Variants in AUTS2 observed in about 807,000 individuals in gnomAD.
AUTS2 encodes activator of transcription and developmental regulator AUTS2.
AUTS2 carries 17 observed loss-of-function variants against 112.4 expected under a neutral mutation model. That is an observed-to-expected ratio of 0.15 (90% CI 0.10 to 0.23). AUTS2 has a LOEUF of 0.23. AUTS2 is among the 10% of genes least tolerant of loss of function. AUTS2 has a pLI of 1.00. For missense variants in AUTS2, 1,510 were observed against 1,701.6 expected, an observed-to-expected ratio of 0.89 and a Z score of 1.98; for synonymous variants, 751 against 702.7, an observed-to-expected ratio of 1.07 and a Z score of -1.09.
chr7:70,660,413 C>T (rs746658508), intron 5 of AUTS2, among the ~76,000 whole-genome samples: 4 of 152,174 alleles, frequency 2.6e-5, no homozygotes, highest in African/African-American at 4.8e-5. Flanking sequence ...GCACCTAGCT[C>T]CGTGCACAGC....
intron 1 of AUTS2, among the ~76,000 whole-genome samples, chr7:69,799,087 T>C (rs1332580447): frequency 6.6e-6 from 1 of 151,946 alleles, no homozygotes; most frequent in African/African-American, 2.4e-5. Flanking sequence ...TTTTTTTTCC[T>C]CAATCACAGT....
At chr7:70,406,537 G>A (rs543212632) in intron 4 of AUTS2, among the ~76,000 whole-genome samples, 17 of 152,326 alleles carry the variant, frequency 1.1e-4, no homozygotes, top group South Asian at 8.3e-4. Context: ...GAGAAGAACA[G>A]TGTACTTGAT....
At chr7:70,415,366 C>T (rs1794946788) in intron 4 of AUTS2, among the ~76,000 whole-genome samples, 1 of 152,144 alleles carries the variant, frequency 6.6e-6, no homozygotes, top group African/African-American at 2.4e-5. Context: ...ACAGCACAGT[C>T]TGAAGCATGA....
intron 6 of AUTS2, among the ~76,000 whole-genome samples, chr7:70,702,581 A>T (rs1278227037): frequency 6.6e-6 from 1 of 152,180 alleles, no homozygotes; most frequent in African/African-American, 2.4e-5. Flanking sequence ...CTAAATGGGC[A>T]TTTCTGAATG....
chr7:70,131,981 T>G (rs560636318), intron 3 of AUTS2, among the ~76,000 whole-genome samples: 1 of 151,790 alleles, frequency 6.6e-6, no homozygotes. Context: ...CCTGTTAAAA[T>G]TCTCCAGCTA....
At chr7:69,636,423 TGG>T (rs1264929710) in intron 1 of AUTS2, among the ~76,000 whole-genome samples, 1 of 127,586 alleles carries the variant, frequency 7.8e-6, no homozygotes, top group African/African-American at 3.1e-5. Flanking sequence ...TTTGTAGAGA[TGG>T]GGTTTCAACA....
At chr7:70,603,187 A>C (rs38310) in intron 5 of AUTS2, among the ~76,000 whole-genome samples, 81,017 of 152,008 alleles carry the variant, frequency 0.53, 22,334 homozygotes, top group African/African-American at 0.61. Flanking sequence ...GGTGAGCAAA[A>C]TTGGCATTTT....
chr7:70,027,536 C>G (rs1584601213), intron 2 of AUTS2, among the ~76,000 whole-genome samples: 1 of 152,098 alleles, frequency 6.6e-6, no homozygotes, highest in Non-Finnish European at 1.5e-5. Flanking sequence ...GCTGGAAATG[C>G]CTGAACTAAA....
chr7:69,903,371 C>T (rs1412739490), intron 2 of AUTS2, among the ~76,000 whole-genome samples: 1 of 152,140 alleles, frequency 6.6e-6, no homozygotes, highest in Non-Finnish European at 1.5e-5. Context: ...ATGGAGAATT[C>T]TTAAAAAATT....
chr7:70,071,515 T>C (rs1802766251), intron 2 of AUTS2, among the ~76,000 whole-genome samples: 1 of 152,224 alleles, frequency 6.6e-6, no homozygotes, highest in Non-Finnish European at 1.5e-5. Context: ...GAGAAAGTGC[T>C]TATCATCGAC....
Position 70,528,111 on chromosome 7 carries a change from T to TTA in AUTS2, c.690+92331_690+92332insAT, listed in dbSNP as rs1563018221. ...TTTAAGGATTTTTTTTTTTTTTTTT[T>TTA]TTTTTTTTACTGGAGTGTTACACAG... On this transcript the variant is annotated intron_variant, in intron 5 of 18. Transcript: ENST00000342771. 5.5e-3 allele frequency among the ~76,000 whole-genome samples: 828 copies of TTA among 149,516 alleles called. 12 individuals carry two copies. The highest frequency in any genetic ancestry group is 0.019 in the African/African-American group (788 of 40,628).
chr7:70,039,252 G>A (rs2129557550), intron 2 of AUTS2, among the ~76,000 whole-genome samples: 1 of 152,098 alleles, frequency 6.6e-6, no homozygotes, highest in East Asian at 1.9e-4. Flanking sequence ...TAATTACAAA[G>A]GGGATCCATA....
At chr7:70,732,839 T>G (rs1787509953) in intron 6 of AUTS2, among the ~76,000 whole-genome samples, 1 of 152,232 alleles carries the variant, frequency 6.6e-6, no homozygotes, top group Non-Finnish European at 1.5e-5. Flanking sequence ...TTGCAGTTTT[T>G]TAAAGCATTT....
intron 5 of AUTS2, among the ~76,000 whole-genome samples, chr7:70,514,007 A>G (rs1799312414): frequency 6.6e-6 from 1 of 152,098 alleles, no homozygotes; most frequent in African/African-American, 2.4e-5. Flanking sequence ...CACTGTATAG[A>G]TTTGTTTTAC....
At chr7:70,146,102 G>A (rs1426052418) in intron 4 of AUTS2, among the ~76,000 whole-genome samples, 1 of 152,022 alleles carries the variant, frequency 6.6e-6, no homozygotes, top group East Asian at 1.9e-4. Flanking sequence ...TTAGATTTTT[G>A]TGACTAACAG....
At chr7:69,674,960 T>A (rs1245652690) in intron 1 of AUTS2, among the ~76,000 whole-genome samples, 2 of 152,192 alleles carry the variant, frequency 1.3e-5, no homozygotes, top group Non-Finnish European at 2.9e-5. Context: ...TTTTCTTTAG[T>A]TGGTTGCATT....
chr7:70,451,389 C>G (rs1159912006), intron 5 of AUTS2, among the ~76,000 whole-genome samples: 1 of 152,038 alleles, frequency 6.6e-6, no homozygotes, highest in African/African-American at 2.4e-5. Flanking sequence ...ATTTTTTAAA[C>G]TACAAAATAA....
intron 18 of AUTS2, among the ~76,000 whole-genome samples, chr7:70,788,136 T>C (rs1791636617): frequency 6.6e-6 from 1 of 152,190 alleles, no homozygotes; most frequent in Non-Finnish European, 1.5e-5. Context: ...AAATGTCTTT[T>C]TTTTTTTCTT....
intron 4 of AUTS2, among the ~76,000 whole-genome samples, chr7:70,219,194 A>C (rs2129591258): frequency 6.6e-6 from 1 of 152,376 alleles, no homozygotes; most frequent in African/African-American, 2.4e-5. Flanking sequence ...AATAAAATCC[A>C]ATGGAAAACA....
Sources: allele counts gnomAD v4.1 joint callset (sites outside exome capture counted in the v4.1 genomes callset), GRCh38; gene constraint gnomAD v4.1.1; transcripts MANE v1.5; gene names NCBI Gene and HGNC (gene_info 2026-07-23, HGNC 2026-07-21).